KCNJ6: variants seen among roughly 807,000 people sequenced by gnomAD.
KCNJ6 encodes potassium inwardly rectifying channel subfamily J member 6.
Under a neutral mutation model 34.2 loss-of-function variants are expected in KCNJ6, and 9 were observed. The observed-to-expected ratio is 0.26, with a 90% CI of 0.16 to 0.46. The LOEUF is 0.46. Among genes scored for constraint, KCNJ6 ranks in the 20% least tolerant of loss-of-function variants. The pLI, the probability that KCNJ6 is intolerant of heterozygous loss-of-function variation, is 1.00. For synonymous variants in KCNJ6, 196 were observed against 207.1 expected (o/e 0.95, Z 0.46); for missense variants, 236 against 531.3 (o/e 0.44, Z 5.46).
intron 3 of KCNJ6, among the ~76,000 whole-genome samples, chr21:37,663,626 G>T (rs571417760): frequency 6.4e-4 from 97 of 152,136 alleles, no homozygotes; most frequent in African/African-American, 2.3e-3. Context: ...ATGGATGAAG[G>T]CAAAAGGTAT....
chr21:37,749,574 C>A (rs758329275), intron 2 of KCNJ6, among the ~76,000 whole-genome samples: 3 of 152,174 alleles, frequency 2.0e-5, no homozygotes, highest in Non-Finnish European at 4.4e-5. Flanking sequence ...CTGTCCCAGA[C>A]CCTTTCCAAG....
At position 37,753,591 on chromosome 21, in the gene KCNJ6, C is replaced by T. The variant is rs1197756402; in HGVS notation, c.26-38460G>A. On this transcript the variant is annotated intron_variant, in intron 2 of 3. Transcript: ENST00000609713. ...TTAGCCTGGTTCTGCTCCTACTGTG[C>T]AAAGGGCAGTCTGGAGATAGCAGGT... Among the ~76,000 whole-genome samples, 3 of 152,194 alleles carry T rather than the reference C, an allele frequency of 2.0e-5. No homozygotes were observed. The East Asian group carries it at 5.8e-4, about 29-fold the overall frequency.
rs149918032 is a variant in KCNJ6, at chr21:37,843,269, T to C, written c.-27-2560A>G. Among the ~76,000 whole-genome samples the C allele has an allele frequency of 9.2e-5, 14 of 152,276 alleles. No individual in the cohort carries two copies. The East Asian group carries it at 2.5e-3, about 27-fold the overall frequency. Reference sequence around the variant, plus strand: ...TCAGATGTGCTGGATATCTTAGTCCTAGAGATGTCAAATACTGCCTGGACC... The same window carrying C: ...TCAGATGTGCTGGATATCTTAGTCCCAGAGATGTCAAATACTGCCTGGACC... On this transcript the variant is annotated intron_variant, in intron 1 of 3. Coordinates refer to ENST00000609713, the MANE Select transcript of KCNJ6 (RefSeq NM_002240.5).
At chr21:37,851,581 C>T (rs943816243) in intron 1 of KCNJ6, among the ~76,000 whole-genome samples, 6 of 152,112 alleles carry the variant, frequency 3.9e-5, no homozygotes, top group African/African-American at 1.4e-4. Context: ...AAGGTGACCC[C>T]TTTGTTAGGT....
intron 2 of KCNJ6, among the ~76,000 whole-genome samples, chr21:37,818,207 CGT>C (rs1281572811): frequency 8.6e-5 from 7 of 81,044 alleles, no homozygotes; most frequent in South Asian, 7.1e-4. Flanking sequence ...TGTGTGTGTG[CGT>C]GCGTGTGTGT....
chr21:37,651,318 C>A (rs573857839), intron 3 of KCNJ6, among the ~76,000 whole-genome samples: 3 of 152,140 alleles, frequency 2.0e-5, no homozygotes, highest in Non-Finnish European at 4.4e-5. Context: ...GTAGGCCTGT[C>A]GGCCACATCA....
intron 1 of KCNJ6, among the ~76,000 whole-genome samples, chr21:37,879,342 G>C (rs2055694947): frequency 6.6e-6 from 1 of 152,120 alleles, no homozygotes. Flanking sequence ...GCATTTACTG[G>C]ACCCCCTGCA....
In KCNJ6 at chr21:37,793,375, C is replaced by T. The variant is rs552956773; in HGVS notation, c.25+47283G>A. Among the ~76,000 whole-genome samples the T allele has an allele frequency of 1.8e-4, 27 of 152,238 alleles. 1 individual carries two copies. In the South Asian group the frequency reaches 5.6e-3, roughly 32 times the overall value. ...CCTCTCTCCCCCAAAACCCTTCAGC[C>T]TTCGGCTGAGATGCCTTTGGTGGCA... On this transcript the variant is annotated intron_variant, in intron 2 of 3. Transcript: ENST00000609713.
chr21:37,650,442 G>A (rs1458121227), intron 3 of KCNJ6, among the ~76,000 whole-genome samples: 1 of 152,176 alleles, frequency 6.6e-6, no homozygotes, highest in Non-Finnish European at 1.5e-5. Context: ...GTAGGTACCA[G>A]GTGTGTAGTG....
intron 2 of KCNJ6, among the ~76,000 whole-genome samples, chr21:37,737,004 G>T (rs759852262): frequency 6.6e-6 from 1 of 152,186 alleles, no homozygotes; most frequent in Admixed American, 6.5e-5. Context: ...AACAAATTAC[G>T]TTGGGGGCAC....
chr21:37,679,807 A>G (rs2054582798), intron 3 of KCNJ6, among the ~76,000 whole-genome samples: 2 of 152,196 alleles, frequency 1.3e-5, no homozygotes, highest in Non-Finnish European at 1.5e-5. Context: ...CACCTTTTGT[A>G]TGAATTGGTG....
chr21:37,875,747 A>T (rs1047292822), intron 1 of KCNJ6, among the ~76,000 whole-genome samples: 1 of 152,190 alleles, frequency 6.6e-6, no homozygotes, highest in African/African-American at 2.4e-5. Context: ...AGTGACTATC[A>T]GTGCCCACAA....
At chr21:37,713,647 A>G (rs1368708380) in intron 3 of KCNJ6, among the ~76,000 whole-genome samples, 3 of 152,188 alleles carry the variant, frequency 2.0e-5, no homozygotes, top group Non-Finnish European at 4.4e-5. Context: ...CTTTTCTGCT[A>G]GAGTTATTTA....
chr21:37,895,349 T>C (rs1215529802), intron 1 of KCNJ6, among the ~76,000 whole-genome samples: 1 of 152,218 alleles, frequency 6.6e-6, no homozygotes, highest in East Asian at 1.9e-4. Flanking sequence ...TGCAGCTAGC[T>C]TCAATATGAC....
intron 2 of KCNJ6, among the ~76,000 whole-genome samples, chr21:37,814,580 C>T (rs896095673): frequency 2.0e-5 from 3 of 152,104 alleles, no homozygotes; most frequent in Non-Finnish European, 2.9e-5. Context: ...TATACGTACA[C>T]AATGGAATAC....
In KCNJ6 at chr21:37,610,620, A is replaced by AAAAAG. The variant is rs34782067; in HGVS notation, c.*14538_*14539insCTTTT. 2.0e-5 allele frequency: 3 copies of AAAAAG among 149,524 alleles called. No homozygotes were observed. The highest frequency in any genetic ancestry group is 6.7e-5 in the Admixed American group (1 of 15,018). The allele number at this position is 149,524 out of a possible 1,614,324, so 9.3% of individuals were successfully genotyped here. ...TCTTAAAAAAAAAAAAAAAAAAAAA[A>AAAAAG]GGAATACAAGTCCTACAATGTTTGC... On this transcript the variant is annotated 3_prime_UTR_variant, in exon 4 of 4. Coordinates refer to ENST00000609713, the MANE Select transcript of KCNJ6 (RefSeq NM_002240.5).
At chr21:37,626,102 A>G (rs2054309501) in intron 3 of KCNJ6, among the ~76,000 whole-genome samples, 1 of 150,674 alleles carries the variant, frequency 6.6e-6, no homozygotes, top group Non-Finnish European at 1.5e-5. Context: ...CTGTGCAATC[A>G]TAACTACTTT....
At chr21:37,654,591 G>A (rs530748910) in intron 3 of KCNJ6, among the ~76,000 whole-genome samples, 2 of 152,032 alleles carry the variant, frequency 1.3e-5, no homozygotes, top group Non-Finnish European at 2.9e-5. Context: ...CACCATGCAG[G>A]GCCTGCCCAT....
At chr21:37,863,846 GT>G (rs772060420) in intron 1 of KCNJ6, among the ~76,000 whole-genome samples, 1 of 97,042 alleles carries the variant, frequency 1.0e-5, no homozygotes, top group African/African-American at 4.3e-5. Flanking sequence ...AAATATAAAG[GT>G]TTTTTTTTTT....
Sources: allele counts gnomAD v4.1 joint callset (sites outside exome capture counted in the v4.1 genomes callset), GRCh38; gene constraint gnomAD v4.1.1; transcripts MANE v1.5; gene names NCBI Gene and HGNC (gene_info 2026-07-23, HGNC 2026-07-21).